Variants in ZAR1L observed in about 807,000 individuals in gnomAD.
The protein encoded by ZAR1L is protein ZAR1-like.
In ZAR1L, 16 loss-of-function variants were observed where a neutral mutation model predicts 30.0. That is an observed-to-expected ratio of 0.53 (90% CI 0.36 to 0.81). The LOEUF is 0.81. Ranked by LOEUF, ZAR1L falls within the 30% of genes least tolerant of loss-of-function variation. The probability of loss-of-function intolerance (pLI) is 0.00; values close to 1 mark genes in which losing one functional copy is unlikely to be tolerated. For missense variants in ZAR1L, 392 were observed against 417.2 expected (o/e 0.94, Z 0.53); for synonymous variants, 197 against 166.8 (o/e 1.18, Z -1.40).
intron 5 of ZAR1L, among the ~76,000 whole-genome samples, chr13:32,308,309 T>C (rs2072190275): frequency 6.6e-6 from 1 of 152,190 alleles, no homozygotes; most frequent in African/African-American, 2.4e-5. Context: ...TTCAGATCTA[T>C]AAAATAGGAA....
chr13:32,313,659 G>A (rs1259470528), intron 2 of ZAR1L, among the ~76,000 whole-genome samples: 3 of 152,196 alleles, frequency 2.0e-5, no homozygotes, highest in African/African-American at 7.2e-5. Flanking sequence ...GAGCCACCAT[G>A]CCCAGCTGGA....
rs371247028 is a variant in ZAR1L, at chr13:32,305,472, C to T, written c.823-1450G>A. On this transcript the variant is annotated intron_variant, in intron 5 of 5. Coordinates refer to ENST00000533490, the MANE Select transcript of ZAR1L (RefSeq NM_001136571.2). ...CGATCTCCTGACCTCGTGATCCACC[C>T]GCCTCGGCCTCCCAAAGTGCTGGGA... Among the ~76,000 whole-genome samples the T allele has an allele frequency of 4.6e-4, 70 of 152,250 alleles. No homozygotes were observed. In the East Asian group the frequency reaches 5.2e-3, roughly 11 times the overall value.
At chr13:32,313,439 T>A (rs1437896948) in intron 2 of ZAR1L, among the ~76,000 whole-genome samples, 1 of 152,262 alleles carries the variant, frequency 6.6e-6, no homozygotes, top group Non-Finnish European at 1.5e-5. Flanking sequence ...TGATTTCGGC[T>A]CACTGCAACT....
chr13:32,311,307 C>A lies in ZAR1L; in HGVS notation c.619G>T (p.Ala207Ser). 1 of 1,549,044 alleles carries A rather than the reference C, an allele frequency of 6.5e-7. No individual in the cohort carries two copies. The highest frequency in any genetic ancestry group is 1.2e-5 in the South Asian group (1 of 83,884). The change falls in exon 3 of 6, where the codon GCC (alanine) becomes TCC (serine). Residue 207 changes from alanine (A) to serine (S), a missense_variant. Ala to Ser is a moderately conservative substitution (Grantham distance 99). Transcript: ENST00000533490. ...ETKSKQVPGDAASEPLRRPNF... is the reference protein window; with the variant it reads ...ETKSKQVPGDSASEPLRRPNF... ...GGCCTCCGGAGCGGCTCGGAGGCGG[C>A]GTCTCCAGGCACCTGCTTGCTCTTC... is the stretch of plus-strand genomic sequence containing the variant.
At position 32,303,811 on chromosome 13, in the gene ZAR1L, A is replaced by G; in HGVS notation, c.*68T>C. The G allele has an allele frequency of 6.7e-7, 1 of 1,483,018 alleles. No individual in the cohort carries two copies. The highest frequency in any genetic ancestry group is 9.0e-7 in the Non-Finnish European group (1 of 1,111,738). 91.9% of individuals were successfully genotyped at this position (1,483,018 alleles called of 1,614,324 possible). A position where few individuals can be genotyped will look rare whatever the true frequency, so the allele number is the denominator to read the frequency against. ...GATGCCAGGTCAGAGCCAAGTTGCA[A>G]AAAAGGAAGACAGCACAGTAAGTTA... On this transcript the variant is annotated 3_prime_UTR_variant, in exon 6 of 6. Coordinates refer to ENST00000533490, the MANE Select transcript of ZAR1L (RefSeq NM_001136571.2).
intron 4 of ZAR1L, 60 bp from the exon 5 acceptor site, chr13:32,308,820 G>C: frequency 8.6e-7 from 1 of 1,159,138 alleles, no homozygotes; most frequent in Non-Finnish European, 1.2e-6. Context: ...ACCCTGCAAA[G>C]GCTCCCAGTT....
At chr13:32,307,444 A>G (rs1034144079) in intron 5 of ZAR1L, among the ~76,000 whole-genome samples, 4 of 141,474 alleles carry the variant, frequency 2.8e-5, no homozygotes, top group African/African-American at 1.0e-4. Flanking sequence ...GCTTGTAGTG[A>G]ACCAAGATTG....
rs986517504 is a variant in ZAR1L at position 32,311,366 on chromosome 13, G to C, written c.560C>G (p.Ser187Trp). 8 of 1,550,730 alleles carry C rather than the reference G, an allele frequency of 5.2e-6. No individual in the cohort carries two copies. The African/African-American group carries it at 9.6e-5, about 19-fold the overall frequency. Residue 187 changes from serine to tryptophan, a missense_variant, in exon 3 of 6, where the codon TCG becomes TGG. By Grantham distance (177) the Ser-to-Trp change is radical (BLOSUM62 -3). Coordinates refer to ENST00000533490, the MANE Select transcript of ZAR1L (RefSeq NM_001136571.2). ...AGGGCACGGGGCGTCTTTCTCCCCC[G>C]ATTCCTCCAGCTGCCCGGGCTCCTC... is the stretch of plus-strand genomic sequence containing the variant. ...RQEEPGQLEESGEKDAPCPQE... is the reference protein window; with the variant it reads ...RQEEPGQLEEWGEKDAPCPQE...
chr13:32,308,807 C>G (rs2072193632), intron 4 of ZAR1L, 47 bp from the exon 5 acceptor site: 4 of 1,305,284 alleles, frequency 3.1e-6, no homozygotes, highest in Non-Finnish European at 4.3e-6. Context: ...TATACACACC[C>G]ACACCCTGCA....
At chr13:32,304,133 C>T (rs2072157920) in intron 5 of ZAR1L, 111 bp from the exon 6 acceptor site, 5 of 1,163,798 alleles carry the variant, frequency 4.3e-6, no homozygotes, top group Admixed American at 3.0e-5. Context: ...AACCTTCATC[C>T]TCTGAGTCCT....
Position 32,311,659 on chromosome 13 carries a change from C to A in ZAR1L, c.267G>T (p.Lys89Asn), listed in dbSNP as rs149512133. Residue 89 changes from lysine (K) to asparagine (N), a missense_variant, in exon 3 of 6, where the codon AAG becomes AAT. Physicochemically the swap from Lys to Asn is moderately conservative, Grantham distance 94 (BLOSUM62 0). Transcript: ENST00000533490. The stretch of plus-strand genomic sequence containing the variant: ...GCGGGCTCACCTGCACGCCCACCTC[C>A]TTGGTGTTGGGCTTGCACAGCCGCG... ...LSPRLCKPNT[K>N]EVGVQVSPRV... The A allele has an allele frequency of 9.7e-4, 1,510 of 1,551,426 alleles. 12 individuals are homozygous for A. In the African/African-American group the frequency reaches 0.019, roughly 19 times the overall value.
At chr13:32,313,231 C>A (rs2072226837) in intron 2 of ZAR1L, among the ~76,000 whole-genome samples, 1 of 152,178 alleles carries the variant, frequency 6.6e-6, no homozygotes, top group Admixed American at 6.5e-5. Flanking sequence ...TCACCGCACA[C>A]AAAAGAAAGG....
chr13:32,308,529 C>G (rs1384596894), intron 5 of ZAR1L, among the ~76,000 whole-genome samples, 157 bp downstream of exon 5: 1 of 152,160 alleles, frequency 6.6e-6, no homozygotes. Context: ...AAGATGCAAA[C>G]TAGAATTTAT....
Position 32,311,484 on chromosome 13 carries a change from C to G in ZAR1L, c.442G>C (p.Asp148His), listed in dbSNP as rs1057103530. The part of the protein sequence containing the change: ...GRRGLIRLRR[D>H]GDEAESKALP... ...GCCTTGCTCTCCGCTTCGTCCCCAT[C>G]TCTCCGCAGGCGGATCAAGCCCCTG... Residue 148 changes from aspartate (D) to histidine (H), a missense_variant, in exon 3 of 6, where the codon GAT becomes CAT. Physicochemically the swap from Asp to His is moderately conservative, Grantham distance 81 (BLOSUM62 -1). Transcript: ENST00000533490. 7.8e-6 allele frequency: 12 copies of G among 1,545,968 alleles called. No homozygotes were observed. Among genetic ancestry groups the G allele is most frequent in the Non-Finnish European group, 1.0e-5 (12 of 1,146,496 alleles).
At chr13:32,312,125 TGTCTA>T (rs1179379397) in intron 2 of ZAR1L, 32 bp from the exon 3 acceptor site, 1 of 609,426 alleles carries the variant, frequency 1.6e-6, no homozygotes, top group African/African-American at 1.9e-5. Flanking sequence ...TATCTACAGA[TGTCTA>T]ATTGCCACCT....
At chr13:32,310,539 C>A (rs1367251260) in intron 4 of ZAR1L, 100 bp downstream of exon 4, 6 of 818,764 alleles carry the variant, frequency 7.3e-6, no homozygotes, top group Non-Finnish European at 1.2e-5. Flanking sequence ...AAGATCAAGA[C>A]AGGACTATGA....
intron 5 of ZAR1L, among the ~76,000 whole-genome samples, chr13:32,304,809 C>CTTTTTTT (rs776182055): frequency 7.3e-6 from 1 of 136,130 alleles, no homozygotes; most frequent in Non-Finnish European, 1.6e-5. Flanking sequence ...CAAGATTTAC[C>CTTTTTTT]TTTTTTTTTT....
Position 32,311,683 on chromosome 13 carries a change from C to G in ZAR1L, c.243G>C (p.Pro81=). The G allele has an allele frequency of 6.4e-7, 1 of 1,551,608 alleles. No individual in the cohort carries two copies. The highest frequency in any genetic ancestry group is 8.7e-7 in the Non-Finnish European group (1 of 1,146,996). ...ILSQMNPSLS[P]RLCKPNTKEV... is the part of the protein sequence containing the mutation. ...CCTTGGTGTTGGGCTTGCACAGCCG[C>G]GGGCTCAGGCTGGGGTTCATCTGGG... is the stretch of plus-strand genomic sequence containing the variant. The change falls in exon 3 of 6, where the codon CCG becomes CCC. Residue 81 remains proline (P), a synonymous_variant. Coordinates refer to ENST00000533490, the MANE Select transcript of ZAR1L (RefSeq NM_001136571.2).
rs533414665 is a variant in ZAR1L, at chr13:32,309,353, C to T, written c.748-593G>A. Among the ~76,000 whole-genome samples, 9 of 152,232 alleles carry T rather than the reference C, an allele frequency of 5.9e-5. No individual in the cohort carries two copies. The East Asian group carries it at 1.7e-3, about 29-fold the overall frequency. Reference sequence around the variant, plus strand: ...CTGAGAACTCCCTAATAATGTACACCAAGTACCACAGTAGATACTCAATGG... The same window carrying T: ...CTGAGAACTCCCTAATAATGTACACTAAGTACCACAGTAGATACTCAATGG... On this transcript the variant is annotated intron_variant, in intron 4 of 5. Coordinates refer to ENST00000533490, the MANE Select transcript of ZAR1L (RefSeq NM_001136571.2).
Sources: allele counts gnomAD v4.1 joint callset (sites outside exome capture counted in the v4.1 genomes callset), GRCh38; gene constraint gnomAD v4.1.1; transcripts MANE v1.5; gene names NCBI Gene and HGNC (gene_info 2026-07-23, HGNC 2026-07-21).